Variants in PDE8B observed in about 807,000 individuals in gnomAD.
PDE8B encodes the protein high affinity cAMP-specific and IBMX-insensitive 3',5'-cyclic phosphodiesterase 8B.
PDE8B carries 26 observed loss-of-function variants against 101.3 expected under a neutral mutation model. The ratio of observed to expected loss-of-function variants is 0.26; its 90% CI spans 0.19 to 0.36. The LOEUF is 0.36. Among genes scored for constraint, PDE8B ranks in the 10% least tolerant of loss-of-function variants. PDE8B has a pLI of 1.00. For missense variants in PDE8B, 810 were observed against 1,163.1 expected, an observed-to-expected ratio of 0.70 and a Z score of 4.42; for synonymous variants, 424 against 429.3, an observed-to-expected ratio of 0.99 and a Z score of 0.15.
In PDE8B at chr5:77,351,141, T is replaced by A. The variant is rs1368305562; in HGVS notation, c.1094T>A (p.Ile365Asn). ...CAGCACGTGAAGATCACCCCAGTGA[T>A]TGGCCAAGGAGGGTGAGAGCAAACT... ...IQQHVKITPVIGQGGKIRHFV... is the reference protein window; with the variant it reads ...IQQHVKITPVNGQGGKIRHFV... The change falls in exon 9 of 22, where the codon ATT (isoleucine) becomes AAT (asparagine). Residue 365 changes from isoleucine (I) to asparagine (N), a missense_variant. By Grantham distance (149) the Ile-to-Asn change is moderately radical. Coordinates refer to ENST00000264917, the MANE Select transcript of PDE8B (RefSeq NM_003719.5). 6.2e-7 allele frequency: 1 copy of A among 1,613,458 alleles called. No individual in the cohort carries two copies. The highest frequency in any genetic ancestry group is 1.3e-5 in the African/African-American group (1 of 75,048).
At position 77,309,941 on chromosome 5, in the gene PDE8B, A is replaced by ACCTTTTTTTTTTTTTTTTTTTTTT. The variant is rs772985826; in HGVS notation, c.340-2053_340-2052insCCTTTTTTTTTTTTTTTTTTTTTT. Among the ~76,000 whole-genome samples the ACCTTTTTTTTTTTTTTTTTTTTTT allele has an allele frequency of 4.8e-5, 4 of 83,114 alleles. 2 individuals are homozygous for ACCTTTTTTTTTTTTTTTTTTTTTT. Among genetic ancestry groups the ACCTTTTTTTTTTTTTTTTTTTTTT allele is most frequent in the South Asian group, 9.0e-4 (2 of 2,234 alleles). 54.5% of individuals were successfully genotyped at this position (83,114 alleles called of 152,430 possible). On this transcript the variant is annotated intron_variant, in intron 1 of 21. Coordinates refer to ENST00000264917, the MANE Select transcript of PDE8B (RefSeq NM_003719.5). ...AACTGGTTTCCCTTTTTAATCATTAATCTTTTTTTTTTTTTTTTTTTTTTT... is the reference window on the plus strand; with the variant it reads ...AACTGGTTTCCCTTTTTAATCATTAACCTTTTTTTTTTTTTTTTTTTTTTTCTTTTTTTTTTTTTTTTTTTTTTT...
chr5:77,152,938 G>A, the PDE8B span, among the ~76,000 whole-genome samples: 1 of 152,342 alleles, frequency 6.6e-6, no homozygotes, highest in East Asian at 1.9e-4. Context: ...ACACGTCTGA[G>A]TCCCAATTGT....
At chr5:77,414,672 C>T (rs1361722714) in intron 17 of PDE8B, among the ~76,000 whole-genome samples, 11 of 151,810 alleles carry the variant, frequency 7.2e-5, no homozygotes, top group African/African-American at 1.9e-4. Context: ...CCTCGTGATC[C>T]ACCCGCCTCA....
chr5:77,247,515 T>A (rs1757201951), intron 1 of PDE8B, among the ~76,000 whole-genome samples: 1 of 152,198 alleles, frequency 6.6e-6, no homozygotes, highest in South Asian at 2.1e-4. Flanking sequence ...GCGGTGACCC[T>A]GTGTGACCTG....
intron 1 of PDE8B, among the ~76,000 whole-genome samples, chr5:77,298,070 A>ATGCT (rs1769008153): frequency 6.6e-6 from 1 of 152,114 alleles, no homozygotes; most frequent in Non-Finnish European, 1.5e-5. Context: ...CACATAATAG[A>ATGCT]TGCTTGATGA....
At chr5:77,206,157 A>G (rs996436100), upstream of PDE8B, among the ~76,000 whole-genome samples, 15 of 152,160 alleles carry the variant, frequency 9.9e-5, no homozygotes, top group African/African-American at 3.6e-4. Flanking sequence ...ATGGGAGAAA[A>G]TTATTCATTC....
intron 10 of PDE8B, among the ~76,000 whole-genome samples, chr5:77,378,009 TACACACACA>T (rs1168116851): frequency 7.4e-6 from 1 of 134,392 alleles, no homozygotes; most frequent in African/African-American, 3.0e-5. Context: ...CCTCTCTCTC[TACACACACA>T]CACACACACA....
chr5:77,167,599 G>A, the PDE8B span, among the ~76,000 whole-genome samples: 2 of 152,154 alleles, frequency 1.3e-5, no homozygotes, highest in African/African-American at 2.4e-5. Context: ...GGGGGCACGC[G>A]GCTGCTCCCT....
At chr5:77,267,465 ACATTG>A (rs112722473) in intron 1 of PDE8B, among the ~76,000 whole-genome samples, 10,893 of 151,056 alleles carry the variant, frequency 0.072, 938 homozygotes, top group African/African-American at 0.21. Flanking sequence ...AGGGTGGAAA[ACATTG>A]CATTGCACAA....
At chr5:77,325,468 C>A (rs1272216058) in intron 2 of PDE8B, 71 bp from the exon 3 acceptor site, 31 of 1,397,516 alleles carry the variant, frequency 2.2e-5, no homozygotes, top group Non-Finnish European at 3.0e-5. Context: ...TGCGCCTGGC[C>A]ACTAGGCTTG....
At chr5:77,290,767 A>G (rs10045247) in intron 1 of PDE8B, 250,630 of 1,487,324 alleles carry the variant, frequency 0.17, 23,090 homozygotes, top group Admixed American at 0.24. Context: ...ACGGCATTCA[A>G]TTTCCCTGTG....
At chr5:77,410,623 A>G (rs917878024) in intron 14 of PDE8B, 10 of 152,180 alleles carry the variant, frequency 6.6e-5, no homozygotes, top group Non-Finnish European at 1.5e-4. Flanking sequence ...GAGCGAGAGA[A>G]GAGCAAGTAA....
At chr5:77,109,938 T>TTTTTTTTTTTTG in the PDE8B span, among the ~76,000 whole-genome samples, 1 of 114,866 alleles carries the variant, frequency 8.7e-6, no homozygotes, top group African/African-American at 3.7e-5. Context: ...TTTTTTTTTT[T>TTTTTTTTTTTTG]TTTTTTTTTT....
chr5:77,282,085 A>G (rs535969553), intron 1 of PDE8B, among the ~76,000 whole-genome samples: 10 of 152,254 alleles, frequency 6.6e-5, no homozygotes, highest in African/African-American at 2.4e-4. Flanking sequence ...AATCCTGTTC[A>G]GCCTGACTTC....
At chr5:77,137,193 C>G in the PDE8B span, among the ~76,000 whole-genome samples, 1 of 152,198 alleles carries the variant, frequency 6.6e-6, no homozygotes, top group Non-Finnish European at 1.5e-5. Flanking sequence ...TTTTCTCCAT[C>G]ATCTTAAGCT....
At chr5:77,235,573 A>G (rs902466923) in intron 1 of PDE8B, among the ~76,000 whole-genome samples, 2 of 152,224 alleles carry the variant, frequency 1.3e-5, no homozygotes, top group African/African-American at 4.8e-5. Flanking sequence ...AATACAAACA[A>G]GGTCCTTACA....
At chr5:77,275,562 G>A (rs930213597) in intron 1 of PDE8B, among the ~76,000 whole-genome samples, 5 of 152,198 alleles carry the variant, frequency 3.3e-5, no homozygotes, top group Admixed American at 6.5e-5. Flanking sequence ...CTTGGGAGAA[G>A]AGAATTATCT....
At chr5:77,385,180 C>T (rs1788292754) in intron 10 of PDE8B, among the ~76,000 whole-genome samples, 1 of 152,168 alleles carries the variant, frequency 6.6e-6, no homozygotes, top group South Asian at 2.1e-4. Context: ...AGGGATTCAA[C>T]TTCTTCCTGG....
Position 77,419,898 on chromosome 5 carries a change from C to G in PDE8B, c.2250+11C>G. 2 of 1,613,756 alleles carry G rather than the reference C, an allele frequency of 1.2e-6. No homozygotes were observed. Among genetic ancestry groups the G allele is most frequent in the Non-Finnish European group, 1.7e-6 (2 of 1,179,764 alleles). ...CCAATGGCAGCTGAGGTGAGTACTG[C>G]TTTCCATGCCATAAGGCACATCCAA... On this transcript the variant is annotated intron_variant, in intron 19 of 21. Coordinates refer to ENST00000264917, the MANE Select transcript of PDE8B (RefSeq NM_003719.5).
Sources: gnomAD v4.1 joint callset for allele counts (sites outside exome capture counted in the v4.1 genomes callset) on GRCh38, gnomAD v4.1.1 for gene constraint, MANE v1.5 for transcripts, NCBI Gene and HGNC (gene_info 2026-07-23, HGNC 2026-07-21) for gene names.